Variants in MAMDC2 observed in about 807,000 individuals in gnomAD.
MAMDC2 encodes the protein MAM domain-containing protein 2.
MAMDC2 carries 57 observed loss-of-function variants against 89.8 expected under a neutral mutation model. That is an observed-to-expected ratio of 0.63 (90% CI 0.51 to 0.79). The LOEUF (loss-of-function observed/expected upper bound fraction) is 0.79. Ranked by LOEUF, MAMDC2 falls within the 30% of genes least tolerant of loss-of-function variation. The pLI is 0.00. For synonymous variants in MAMDC2, 313 were observed against 293.4 expected, an observed-to-expected ratio of 1.07 and a Z score of -0.68; for missense variants, 800 against 820.6, an observed-to-expected ratio of 0.97 and a Z score of 0.31.
chr9:70,186,946 A>T (rs2032769385), intron 11 of MAMDC2, among the ~76,000 whole-genome samples: 1 of 152,178 alleles, frequency 6.6e-6, no homozygotes, highest in Non-Finnish European at 1.5e-5. Context: ...TTCATGAGGG[A>T]TCCACTCCCA....
Position 70,105,261 on chromosome 9 carries a change from C to G in MAMDC2, c.149-2950C>G, listed in dbSNP as rs538123756. ...ACACTGAAGCCACAAGCAGAGATAA[C>G]AAGTAGTTTCAACTCAAGTGCCAAC... is the stretch of plus-strand genomic sequence containing the variant. On this transcript the variant is annotated intron_variant, in intron 2 of 13. Coordinates refer to ENST00000377182, the MANE Select transcript of MAMDC2 (RefSeq NM_153267.5). 1.5e-4 allele frequency among the ~76,000 whole-genome samples: 23 copies of G among 152,216 alleles called. No individual in the cohort carries two copies. The South Asian group carries it at 4.8e-3, about 32-fold the overall frequency.
chr9:70,179,441 G>A (rs1023848847), intron 11 of MAMDC2, among the ~76,000 whole-genome samples: 3 of 151,446 alleles, frequency 2.0e-5, no homozygotes, highest in African/African-American at 4.9e-5. Context: ...GGAGAATGGC[G>A]TGAACCCGGA....
Position 70,051,882 on chromosome 9 carries a change from T to TAG in MAMDC2, c.148+7187_148+7188dup, listed in dbSNP as rs1414347728. On this transcript the variant is annotated intron_variant, in intron 2 of 13. Transcript: ENST00000377182. ...ATTTATATCTATTTACCTATCTAGA[T>TAG]AGATAGAGATAGATAGATAGATAGA... is the stretch of plus-strand genomic sequence containing the variant. Among the ~76,000 whole-genome samples, 54 of 121,882 alleles carry TAG rather than the reference T, an allele frequency of 4.4e-4. No homozygotes were observed. In the East Asian group the frequency reaches 7.4e-3, roughly 17 times the overall value. 80.0% of individuals were successfully genotyped at this position (121,882 alleles called of 152,430 possible).
At chr9:70,120,564 G>A (rs1040713842) in intron 5 of MAMDC2, among the ~76,000 whole-genome samples, 1 of 152,160 alleles carries the variant, frequency 6.6e-6, no homozygotes, top group Non-Finnish European at 1.5e-5. Context: ...GATTCATCTC[G>A]AGCCTTCTCA....
chr9:70,090,231 G>A (rs1827861072), intron 2 of MAMDC2, among the ~76,000 whole-genome samples: 1 of 152,058 alleles, frequency 6.6e-6, no homozygotes, highest in Admixed American at 6.6e-5. Context: ...CCAACACTTT[G>A]AGAGGCTGAG....
chr9:70,053,074 G>A (rs146757158), intron 2 of MAMDC2, among the ~76,000 whole-genome samples: 1 of 152,320 alleles, frequency 6.6e-6, no homozygotes, highest in African/African-American at 2.4e-5. Context: ...TGGAGAGCGG[G>A]TGTTTCTGAG....
intron 11 of MAMDC2, among the ~76,000 whole-genome samples, chr9:70,216,669 T>G (rs2033451753): frequency 6.6e-6 from 1 of 152,228 alleles, no homozygotes; most frequent in Admixed American, 6.5e-5. Context: ...TTTGTGTACT[T>G]TTCAAATAGA....
At chr9:70,189,046 T>G (rs1335463677) in intron 11 of MAMDC2, among the ~76,000 whole-genome samples, 1 of 152,184 alleles carries the variant, frequency 6.6e-6, no homozygotes, top group Non-Finnish European at 1.5e-5. Context: ...TGACACAGTT[T>G]TATAATTATT....
At chr9:70,060,073 AG>A (rs1827112473) in intron 2 of MAMDC2, among the ~76,000 whole-genome samples, 1 of 152,174 alleles carries the variant, frequency 6.6e-6, no homozygotes, top group African/African-American at 2.4e-5. Context: ...TTCTTTCACT[AG>A]GACATTGGCT....
chr9:70,221,719 TTGTGTG>T (rs143895926), intron 12 of MAMDC2, among the ~76,000 whole-genome samples: 1 of 150,198 alleles, frequency 6.7e-6, no homozygotes, highest in Non-Finnish European at 1.5e-5. Context: ...ATCCCACATT[TTGTGTG>T]TGTGTGTGTG....
chr9:70,168,283 G>A (rs905117607), intron 9 of MAMDC2, among the ~76,000 whole-genome samples: 1 of 152,158 alleles, frequency 6.6e-6, no homozygotes, highest in Non-Finnish European at 1.5e-5. Flanking sequence ...CCTGAGGTCA[G>A]GAGTTTGAGA....
chr9:70,190,263 G>A (rs1403902345), intron 11 of MAMDC2, among the ~76,000 whole-genome samples: 3 of 151,976 alleles, frequency 2.0e-5, no homozygotes, highest in African/African-American at 4.8e-5. Context: ...TTTTGTTTTT[G>A]TTGTCATTGT....
intron 2 of MAMDC2, among the ~76,000 whole-genome samples, chr9:70,077,788 G>T (rs2118113607): frequency 6.6e-6 from 1 of 152,316 alleles, no homozygotes; most frequent in South Asian, 2.1e-4. Context: ...TCATGAACCA[G>T]AGATGTCAAT....
At chr9:70,119,854 C>T (rs1299892796) in intron 5 of MAMDC2, among the ~76,000 whole-genome samples, 1 of 152,222 alleles carries the variant, frequency 6.6e-6, no homozygotes, top group Non-Finnish European at 1.5e-5. Context: ...AAAGGTTTCA[C>T]TTGCCTCTTG....
chr9:70,210,406 T>C (rs543273969), intron 11 of MAMDC2, among the ~76,000 whole-genome samples: 1 of 152,350 alleles, frequency 6.6e-6, no homozygotes, highest in Admixed American at 6.5e-5. Context: ...TTGTCTCTTT[T>C]GATCTTTGTT....
At chr9:70,207,048 G>T (rs2033240625) in intron 11 of MAMDC2, among the ~76,000 whole-genome samples, 1 of 152,190 alleles carries the variant, frequency 6.6e-6, no homozygotes, top group Non-Finnish European at 1.5e-5. Context: ...ATTTGGGTTG[G>T]TTCCAAGGCT....
chr9:70,164,506 A>T (rs368798312), intron 9 of MAMDC2, among the ~76,000 whole-genome samples: 10 of 152,310 alleles, frequency 6.6e-5, no homozygotes, highest in Admixed American at 5.9e-4. Flanking sequence ...GAACCTAAGG[A>T]CTGGGATCTT....
At chr9:70,060,360 A>G (rs919699518) in intron 2 of MAMDC2, among the ~76,000 whole-genome samples, 1 of 152,194 alleles carries the variant, frequency 6.6e-6, no homozygotes. Flanking sequence ...TTTTTTAAAT[A>G]AAAAGAAATA....
At chr9:70,131,650 T>C in intron 7 of MAMDC2, 38 bp downstream of exon 7, 1 of 1,461,312 alleles carries the variant, frequency 6.8e-7, no homozygotes, top group Non-Finnish European at 9.5e-7. Context: ...TTTGGGATGT[T>C]CCTGTTTCAA....
Sources: allele counts gnomAD v4.1 joint callset (sites outside exome capture counted in the v4.1 genomes callset), GRCh38; gene constraint gnomAD v4.1.1; transcripts MANE v1.5; gene names NCBI Gene and HGNC (gene_info 2026-07-23, HGNC 2026-07-21).